Variants in MAF observed in about 807,000 individuals in gnomAD.
MAF encodes the protein MAF bZIP transcription factor, also known as transcription factor Maf.
In MAF, 10 loss-of-function variants were observed where a neutral mutation model predicts 22.0. The ratio of observed to expected loss-of-function variants is 0.45; its 90% CI spans 0.28 to 0.77. MAF has a LOEUF of 0.77. Among genes scored for constraint, MAF ranks in the 30% least tolerant of loss-of-function variants. The pLI is 0.12. For synonymous variants in MAF, 337 were observed against 255.8 expected, an observed-to-expected ratio of 1.32 and a Z score of -3.03; for missense variants, 544 against 548.4, an observed-to-expected ratio of 0.99 and a Z score of 0.08.
the MAF span, among the ~76,000 whole-genome samples, chr16:79,335,765 G>A: frequency 3.9e-4 from 60 of 152,318 alleles, no homozygotes; most frequent in African/African-American, 1.4e-3. Context: ...ACTAGGATGG[G>A]TCTTGGCTGC....
At chr16:79,308,540 G>C in the MAF span, among the ~76,000 whole-genome samples, 1 of 152,130 alleles carries the variant, frequency 6.6e-6, no homozygotes, top group Admixed American at 6.5e-5. Context: ...TGAAATGCTA[G>C]CAAAAGCCTG....
chr16:79,466,384 G>C, the MAF span, among the ~76,000 whole-genome samples: 1 of 152,182 alleles, frequency 6.6e-6, no homozygotes, highest in African/African-American at 2.4e-5. Context: ...TCTCAGTAAT[G>C]GTGTTCTTCA....
the MAF span, among the ~76,000 whole-genome samples, chr16:79,477,424 G>C: frequency 2.0e-5 from 3 of 152,158 alleles, no homozygotes; most frequent in Admixed American, 6.5e-5. Flanking sequence ...CCACGAGCCT[G>C]GCTGTCTTGC....
the MAF span, among the ~76,000 whole-genome samples, chr16:79,405,708 T>A: frequency 6.6e-6 from 1 of 152,202 alleles, no homozygotes; most frequent in Non-Finnish European, 1.5e-5. Flanking sequence ...AGTAAAAAGA[T>A]CCATCCTTTA....
the MAF span, among the ~76,000 whole-genome samples, chr16:79,276,909 A>G: frequency 6.6e-6 from 1 of 151,568 alleles, no homozygotes; most frequent in African/African-American, 2.4e-5. Context: ...GCCTCTTCCC[A>G]TGTCTGGTGG....
chr16:79,350,453 T>A, the MAF span, among the ~76,000 whole-genome samples: 1 of 152,216 alleles, frequency 6.6e-6, no homozygotes, highest in East Asian at 1.9e-4. Context: ...CCTGGCTGAT[T>A]GTCCACCAAA....
At chr16:79,381,330 G>A in the MAF span, among the ~76,000 whole-genome samples, 5 of 152,218 alleles carry the variant, frequency 3.3e-5, no homozygotes, top group Admixed American at 6.5e-5. Context: ...AGGTCAGAGA[G>A]TCAGACGGTC....
At chr16:79,330,577 G>C in the MAF span, among the ~76,000 whole-genome samples, 4 of 152,176 alleles carry the variant, frequency 2.6e-5, no homozygotes, top group South Asian at 8.3e-4. Context: ...AGGGTGGGGA[G>C]GAACACCAGT....
At chr16:79,534,026 C>G in the MAF span, among the ~76,000 whole-genome samples, 1 of 152,186 alleles carries the variant, frequency 6.6e-6, no homozygotes, top group Non-Finnish European at 1.5e-5. Flanking sequence ...ATACTACAAG[C>G]TCATCTTACA....
the MAF span, among the ~76,000 whole-genome samples, chr16:79,533,062 C>A: frequency 6.6e-6 from 1 of 152,144 alleles, no homozygotes; most frequent in East Asian, 1.9e-4. Flanking sequence ...TTCGGGGTAA[C>A]TTAGTGTCTT....
the MAF span, among the ~76,000 whole-genome samples, chr16:79,216,477 C>G: frequency 1.3e-5 from 2 of 152,166 alleles, no homozygotes; most frequent in Non-Finnish European, 2.9e-5. Context: ...TTAGAGTACC[C>G]ATATGACTAT....
At chr16:79,208,952 A>G in the MAF span, among the ~76,000 whole-genome samples, 8 of 152,350 alleles carry the variant, frequency 5.3e-5, no homozygotes, top group South Asian at 1.7e-3. Context: ...AGCACCAAGC[A>G]TGAATCTGAG....
chr16:79,289,438 G>C, the MAF span, among the ~76,000 whole-genome samples: 1 of 152,196 alleles, frequency 6.6e-6, no homozygotes, highest in Non-Finnish European at 1.5e-5. Flanking sequence ...CTGGGGGACT[G>C]TTTGGCTACC....
chr16:79,598,578 TGGG>T, intron 1 of MAF: 3 of 1,293,836 alleles, frequency 2.3e-6, no homozygotes, highest in East Asian at 3.8e-5. Flanking sequence ...GAGCAGGGTG[TGGG>T]GTGTGTGTGT....
chr16:79,385,071 T>C, the MAF span, among the ~76,000 whole-genome samples: 116 of 152,350 alleles, frequency 7.6e-4, 2 homozygotes, highest in Admixed American at 2.9e-3. Context: ...ATTTTGCATG[T>C]ACCTGCCTAG....
At chr16:79,211,983 T>A in the MAF span, 1 of 1,536,012 alleles carries the variant, frequency 6.5e-7, no homozygotes, top group East Asian at 2.4e-5. Flanking sequence ...TGGGGTAAAG[T>A]ATCACTTTTC....
the MAF span, among the ~76,000 whole-genome samples, chr16:79,327,157 G>A: frequency 6.6e-6 from 1 of 152,200 alleles, no homozygotes; most frequent in Admixed American, 6.5e-5. Context: ...ATTGTAAAAA[G>A]GTTTTTAAAA....
At chr16:79,387,605 T>C in the MAF span, among the ~76,000 whole-genome samples, 3 of 152,196 alleles carry the variant, frequency 2.0e-5, no homozygotes, top group Non-Finnish European at 4.4e-5. Flanking sequence ...ACAATCTTTA[T>C]TACAAGGATG....
At chr16:79,478,862 A>G in the MAF span, among the ~76,000 whole-genome samples, 1 of 151,566 alleles carries the variant, frequency 6.6e-6, no homozygotes, top group African/African-American at 2.4e-5. Context: ...CCACACCAGC[A>G]TACCTATATA....
Sources: allele counts gnomAD v4.1 joint callset (sites outside exome capture counted in the v4.1 genomes callset), GRCh38; gene constraint gnomAD v4.1.1; transcripts MANE v1.5; gene names NCBI Gene and HGNC (gene_info 2026-07-23, HGNC 2026-07-21).